Variants in SLIT2 observed in about 807,000 individuals in gnomAD.
SLIT2 encodes slit homolog 2 protein.
SLIT2 carries 41 observed loss-of-function variants against 185.7 expected under a neutral mutation model. The observed-to-expected ratio is 0.22, with a 90% CI of 0.17 to 0.29. The LOEUF (loss-of-function observed/expected upper bound fraction) is 0.29. Among genes scored for constraint, SLIT2 ranks in the 10% least tolerant of loss-of-function variants. SLIT2 has a pLI of 1.00. For missense variants in SLIT2, 1,571 were observed against 1,909.0 expected (o/e 0.82, Z 3.30); for synonymous variants, 693 against 680.2 (o/e 1.02, Z -0.29).
Position 20,523,754 on chromosome 4 carries a change from A to C in SLIT2, c.1131-6A>C, listed in dbSNP as rs367882568. On this transcript the variant is annotated splice_polypyrimidine_tract_variant and splice_region_variant and intron_variant, in intron 12 of 36. Coordinates refer to ENST00000504154, the MANE Select transcript of SLIT2 (RefSeq NM_004787.4). Reference sequence around the variant, plus strand: ...ACTTTAATTCTACAACTATTTAATCAAACAGATTATTGAATGCCAACAAGA... The same window carrying C: ...ACTTTAATTCTACAACTATTTAATCCAACAGATTATTGAATGCCAACAAGA... The C allele has an allele frequency of 4.3e-6, 7 of 1,613,216 alleles. No individual in the cohort carries two copies. The highest frequency in any genetic ancestry group is 2.2e-5 in the East Asian group (1 of 44,874).
chr4:20,558,651 C>A (rs999189903), intron 26 of SLIT2, among the ~76,000 whole-genome samples: 1 of 151,936 alleles, frequency 6.6e-6, no homozygotes, highest in East Asian at 1.9e-4. Context: ...CTACGTACAT[C>A]TTTGTGTAAC....
intron 26 of SLIT2, among the ~76,000 whole-genome samples, chr4:20,562,964 T>C (rs544779614): frequency 1.3e-5 from 2 of 151,790 alleles, no homozygotes; most frequent in South Asian, 2.1e-4. Context: ...CTTTTGGTAA[T>C]AAATCAAAAT....
intron 34 of SLIT2, among the ~76,000 whole-genome samples, chr4:20,610,845 G>A (rs564496071): frequency 6.6e-6 from 1 of 152,278 alleles, no homozygotes; most frequent in South Asian, 2.1e-4. Context: ...ATAGAGTGAA[G>A]ACCCTGGGCT....
chr4:20,291,050 T>G (rs1424466896), intron 4 of SLIT2, among the ~76,000 whole-genome samples: 2 of 151,796 alleles, frequency 1.3e-5, no homozygotes, highest in African/African-American at 4.8e-5. Context: ...ACCCAACTAT[T>G]TTTTTTTCAT....
At position 20,570,164 on chromosome 4, in the gene SLIT2, A is replaced by G. The variant is rs191515929; in HGVS notation, c.3088+1160A>G. Among the ~76,000 whole-genome samples the G allele has an allele frequency of 4.0e-3, 607 of 152,162 alleles. 5 individuals carry two copies. The highest frequency in any genetic ancestry group is 0.014 in the African/African-American group (575 of 41,524). On this transcript the variant is annotated intron_variant, in intron 29 of 36. Coordinates refer to ENST00000504154, the MANE Select transcript of SLIT2 (RefSeq NM_004787.4). Reference sequence around the variant, plus strand: ...TAATTTTTATTTTTTTGGCACCAATAAAGCACCCAATGTCATGTAAAGCAG... The same window carrying G: ...TAATTTTTATTTTTTTGGCACCAATGAAGCACCCAATGTCATGTAAAGCAG...
intron 4 of SLIT2, among the ~76,000 whole-genome samples, chr4:20,286,544 G>A (rs1277987282): frequency 1.3e-5 from 2 of 152,138 alleles, no homozygotes; most frequent in Non-Finnish European, 2.9e-5. Context: ...ACTCATGCCC[G>A]TAATCCCAGC....
intron 4 of SLIT2, among the ~76,000 whole-genome samples, chr4:20,318,401 A>G (rs1261213903): frequency 6.6e-6 from 1 of 152,184 alleles, no homozygotes; most frequent in Non-Finnish European, 1.5e-5. Context: ...AACTTCATCA[A>G]TACCAAAAGT....
intron 26 of SLIT2, among the ~76,000 whole-genome samples, chr4:20,556,111 T>A (rs906409286): frequency 6.6e-6 from 1 of 152,078 alleles, no homozygotes; most frequent in Non-Finnish European, 1.5e-5. Context: ...GCAGTGCCTC[T>A]CTGGGATTAT....
intron 4 of SLIT2, among the ~76,000 whole-genome samples, chr4:20,366,654 T>C (rs1723140890): frequency 6.6e-6 from 1 of 152,030 alleles, no homozygotes; most frequent in African/African-American, 2.4e-5. Context: ...AGGAGCTCAG[T>C]AGGGAGATGA....
At chr4:20,321,621 T>C (rs538533501) in intron 4 of SLIT2, among the ~76,000 whole-genome samples, 2 of 152,320 alleles carry the variant, frequency 1.3e-5, no homozygotes, top group Non-Finnish European at 2.9e-5. Context: ...TGTGTAATAC[T>C]GGTTCACTGC....
At chr4:20,300,068 TATA>T (rs1159015251) in intron 4 of SLIT2, among the ~76,000 whole-genome samples, 1 of 152,110 alleles carries the variant, frequency 6.6e-6, no homozygotes, top group Non-Finnish European at 1.5e-5. Flanking sequence ...AATTCTTTAG[TATA>T]ATATTTTATG....
At chr4:20,497,102 A>G (rs1277409994) in intron 9 of SLIT2, among the ~76,000 whole-genome samples, 3 of 151,618 alleles carry the variant, frequency 2.0e-5, no homozygotes, top group African/African-American at 7.3e-5. Context: ...CCAACTCAGC[A>G]TTTAATAGGT....
At chr4:20,417,435 T>TGTGTATATATATATATATATATAC in intron 4 of SLIT2, among the ~76,000 whole-genome samples, 1 of 133,442 alleles carries the variant, frequency 7.5e-6, no homozygotes, top group African/African-American at 2.7e-5. Context: ...TATGTGTGTG[T>TGTGTATATATATATATATATATAC]GTATATATAT....
intron 9 of SLIT2, among the ~76,000 whole-genome samples, chr4:20,508,366 T>C (rs1409761869): frequency 6.6e-6 from 1 of 152,054 alleles, no homozygotes; most frequent in East Asian, 1.9e-4. Context: ...CTAAGCATTG[T>C]TAATATCAAT....
chr4:20,386,775 C>A (rs773652477), intron 4 of SLIT2, among the ~76,000 whole-genome samples: 18 of 152,152 alleles, frequency 1.2e-4, no homozygotes, highest in Non-Finnish European at 2.4e-4. Flanking sequence ...CTACAAGGAA[C>A]AAATAGCTAT....
At chr4:20,375,803 G>A (rs897176824) in intron 4 of SLIT2, among the ~76,000 whole-genome samples, 1 of 151,752 alleles carries the variant, frequency 6.6e-6, no homozygotes, top group Non-Finnish European at 1.5e-5. Flanking sequence ...GAAAAAAAAA[G>A]GGACAGTGTC....
chr4:20,599,605 T>C lies in SLIT2; in HGVS notation c.3692+1210T>C, dbSNP rs1171813426. 2.0e-5 allele frequency among the ~76,000 whole-genome samples: 3 copies of C among 152,220 alleles called. No individual in the cohort carries two copies. In the East Asian group the frequency reaches 5.8e-4, roughly 29 times the overall value. ...AAATATTTGTCAAAACAGGATTTCA[T>C]CTACTCAGTTCTTCGTGGAGAAAAT... is the stretch of plus-strand genomic sequence containing the variant. On this transcript the variant is annotated intron_variant, in intron 33 of 36. Coordinates refer to ENST00000504154, the MANE Select transcript of SLIT2 (RefSeq NM_004787.4).
chr4:20,617,639 G>T lies in SLIT2; in HGVS notation c.4337G>T (p.Ser1446Ile), dbSNP rs1234335920. ...CECSSGYTGD[S>I]CDREISCRGE... ...TGCAGCAGTGGATACACGGGGGACA[G>T]CTGTGATCGAGGTAAGCCAGCCCCA... Residue 1446 changes from serine (S) to isoleucine (I), a missense_variant, in exon 36 of 37, where the codon AGC becomes ATC. By Grantham distance (142) the Ser-to-Ile change is moderately radical. Transcript: ENST00000504154. 1 of 1,610,448 alleles carries T rather than the reference G, an allele frequency of 6.2e-7. No homozygotes were observed. Among genetic ancestry groups the T allele is most frequent in the African/African-American group, 1.3e-5 (1 of 74,864 alleles).
At chr4:20,504,170 A>G (rs764601685) in intron 9 of SLIT2, among the ~76,000 whole-genome samples, 1 of 152,166 alleles carries the variant, frequency 6.6e-6, no homozygotes, top group Non-Finnish European at 1.5e-5. Flanking sequence ...AACATCAAAG[A>G]AAAGGAATAT....
Sources: gnomAD v4.1 joint callset for allele counts (sites outside exome capture counted in the v4.1 genomes callset) on GRCh38, gnomAD v4.1.1 for gene constraint, MANE v1.5 for transcripts, NCBI Gene and HGNC (gene_info 2026-07-23, HGNC 2026-07-21) for gene names.